The following TMEM156 variants were observed in gnomAD, a reference collection of about 807,000 sequenced individuals.
TMEM156 encodes transmembrane protein 156.
TMEM156 carries 28 observed loss-of-function variants against 30.5 expected under a neutral mutation model. That is an observed-to-expected ratio of 0.92 (90% confidence interval 0.68 to 1.26). TMEM156 has a LOEUF of 1.26. TMEM156 is among the 50% of genes most tolerant of loss of function. TMEM156 has a pLI of 0.00. For synonymous variants in TMEM156, 137 were observed against 119.9 expected (o/e 1.14, Z -0.93); for missense variants, 351 against 340.6 (o/e 1.03, Z -0.24).
chr4:39,017,350 G>A (rs1156404165), intron 1 of TMEM156, among the ~76,000 whole-genome samples: 1 of 149,806 alleles, frequency 6.7e-6, no homozygotes, highest in African/African-American at 2.4e-5. Context: ...AATTTTTTTT[G>A]TATTTTTTTT....
At chr4:39,000,009 T>A (rs973470255) in intron 1 of TMEM156, among the ~76,000 whole-genome samples, 1 of 152,304 alleles carries the variant, frequency 6.6e-6, no homozygotes, top group African/African-American at 2.4e-5. Context: ...TTTAACAAGA[T>A]GACAGCCTAA....
Position 38,998,737 on chromosome 4 carries a change from G to T in TMEM156, c.261C>A (p.Cys87Ter). ...PSNFRNFTRTCQDITGEFKMC... is the reference protein window; with the variant it reads ...PSNFRNFTRT ...TTTTAAATTCACCTGTGATGTCTTG[G>T]CAAGTCCTGGTGAAGTTACGAAAAT... Residue 87 changes from cysteine (C) to a stop codon, truncating the protein, a stop_gained, in exon 2 of 7, where the codon TGC becomes TGA. Transcript: ENST00000381938. LOFTEE classifies it high-confidence loss of function. 5 of 1,613,722 alleles carry T rather than the reference G, an allele frequency of 3.1e-6. No homozygotes were observed. Among genetic ancestry groups the T allele is most frequent in the Non-Finnish European group, 3.4e-6 (4 of 1,179,890 alleles).
intron 1 of TMEM156, among the ~76,000 whole-genome samples, chr4:39,019,433 G>C (rs1714716291): frequency 6.6e-6 from 1 of 151,872 alleles, no homozygotes; most frequent in African/African-American, 2.4e-5. Context: ...ACTTTTAATA[G>C]TCTTTGTTCC....
At position 38,988,967 on chromosome 4, in the gene TMEM156, A is replaced by G. The variant is rs757111297; in HGVS notation, c.623T>C (p.Ile208Thr). The change falls in exon 4 of 7, where the codon ATC (isoleucine) becomes ACC (threonine). Residue 208 changes from isoleucine to threonine, a missense_variant. Transcript: ENST00000381938. ...CCAAGTGATCTTCATGGAACAAGTG[A>G]TATCTGTAAAGAAAACAAATACTGT... ...SLHLEMDIKN[I>T]TCSMKITWYI... The G allele has an allele frequency of 1.9e-6, 3 of 1,609,890 alleles. No homozygotes were observed. Among genetic ancestry groups the G allele is most frequent in the South Asian group, 1.1e-5 (1 of 90,780 alleles).
intron 1 of TMEM156, among the ~76,000 whole-genome samples, chr4:39,013,275 T>A (rs1216541007): frequency 1.2e-4 from 16 of 137,192 alleles, no homozygotes; most frequent in African/African-American, 1.7e-4. Flanking sequence ...CACTCGGCAC[T>A]CCAGCCTAGG....
intron 5 of TMEM156, among the ~76,000 whole-genome samples, chr4:38,974,407 T>C (rs936713999): frequency 1.1e-4 from 17 of 151,972 alleles, no homozygotes; most frequent in African/African-American, 4.1e-4. Flanking sequence ...TGGATTTGAA[T>C]ATTATTAATA....
At chr4:38,988,770 A>G in intron 4 of TMEM156, 81 bp downstream of exon 4, 1 of 1,569,178 alleles carries the variant, frequency 6.4e-7, no homozygotes, top group Non-Finnish European at 8.7e-7. Context: ...GGTGCACAAG[A>G]AATGCTAAAT....
rs1712218844 is a variant in TMEM156, at chr4:38,988,948, GATC to G, written c.639_641del (p.Lys213_Ile214delinsAsn). ...CTAATAGAACTAAAATATACCAAGT[GATC>G]TTCATGGAACAAGTGATATCTGTAA... is the stretch of plus-strand genomic sequence containing the variant. On this transcript the variant is annotated inframe_deletion, in exon 4 of 7. Transcript: ENST00000381938. The G allele has an allele frequency of 6.2e-7, 1 of 1,611,394 alleles. No individual in the cohort carries two copies. Among genetic ancestry groups the G allele is most frequent in the Admixed American group, 1.7e-5 (1 of 59,948 alleles).
intron 1 of TMEM156, among the ~76,000 whole-genome samples, chr4:38,999,433 C>G (rs1277663088): frequency 6.6e-6 from 1 of 151,592 alleles, no homozygotes; most frequent in Non-Finnish European, 1.5e-5. Context: ...ATTCTCTATT[C>G]TGGGGAATTT....
chr4:38,988,635 G>C (rs912942843), intron 4 of TMEM156, among the ~76,000 whole-genome samples: 1 of 121,974 alleles, frequency 8.2e-6, no homozygotes, highest in Non-Finnish European at 1.9e-5. Flanking sequence ...TATTCACCCA[G>C]TCTTTCTTCT....
intron 5 of TMEM156, among the ~76,000 whole-genome samples, chr4:38,972,242 ATTTTTTTTTTTTT>A (rs144479056): frequency 5.3e-5 from 4 of 75,858 alleles, no homozygotes; most frequent in East Asian, 8.7e-4. Flanking sequence ...TTCTCTGGGA[ATTTTTTTTTTTTT>A]TTTTTTTTTT....
rs769380937 is a variant in TMEM156 at position 39,032,249 on chromosome 4, G to A, written c.65C>T (p.Pro22Leu). ...AIVITFILIL[P>L]EYFKTPKERT... The stretch of plus-strand genomic sequence containing the variant: ...ACCTTTCGGTGTCTTGAAATATTCC[G>A]GCAAAATTAAAATGAATGTGATCAC... The change falls in exon 1 of 7, where the codon CCG (proline) becomes CTG (leucine). Residue 22 changes from proline to leucine, a missense_variant. Pro to Leu is a moderately conservative substitution (Grantham distance 98). Transcript: ENST00000381938. The A allele has an allele frequency of 5.0e-6, 8 of 1,607,670 alleles. No homozygotes were observed. Among genetic ancestry groups the A allele is most frequent in the East Asian group, 2.2e-5 (1 of 44,748 alleles).
chr4:38,979,499 C>CA (rs1723073498), intron 5 of TMEM156, among the ~76,000 whole-genome samples: 2 of 152,300 alleles, frequency 1.3e-5, no homozygotes, highest in South Asian at 2.1e-4. Flanking sequence ...CTATGAAGCA[C>CA]AAAAAATATT....
intron 6 of TMEM156, 144 bp downstream of exon 6, chr4:38,970,888 T>G: frequency 1.9e-6 from 1 of 538,676 alleles, no homozygotes; most frequent in Non-Finnish European, 3.3e-6. Context: ...TTATTTCATG[T>G]CATCTAATTC....
chr4:39,010,007 G>A (rs987759907), intron 1 of TMEM156, among the ~76,000 whole-genome samples: 5 of 151,986 alleles, frequency 3.3e-5, no homozygotes, highest in South Asian at 4.1e-4. Context: ...TAAAAATTCC[G>A]TGAAAAGACT....
At chr4:39,023,611 G>C (rs1715009255) in intron 1 of TMEM156, among the ~76,000 whole-genome samples, 1 of 152,200 alleles carries the variant, frequency 6.6e-6, no homozygotes, top group Non-Finnish European at 1.5e-5. Context: ...GGGAGGCCAA[G>C]GTGGGCGAAT....
rs890501769 is a variant in TMEM156, at chr4:38,967,938, T to C, written c.*39-297A>G. ...GCTAAATGGAACAGTAGTTCTATTT[T>C]TAGTTTTTTGAGAAATCTCCATACT... On this transcript the variant is annotated intron_variant, in intron 6 of 6. Transcript: ENST00000381938. 3.9e-5 allele frequency among the ~76,000 whole-genome samples: 6 copies of C among 152,226 alleles called. No individual in the cohort carries two copies. The East Asian group carries it at 1.2e-3, about 29-fold the overall frequency.
At chr4:38,969,078 C>T (rs1722475710) in intron 6 of TMEM156, among the ~76,000 whole-genome samples, 1 of 152,204 alleles carries the variant, frequency 6.6e-6, no homozygotes, top group Admixed American at 6.5e-5. Context: ...AGTCAGAATA[C>T]TTAGGATATC....
chr4:38,976,368 A>G (rs1722853571), intron 5 of TMEM156, among the ~76,000 whole-genome samples: 1 of 151,708 alleles, frequency 6.6e-6, no homozygotes, highest in Admixed American at 6.6e-5. Context: ...GTGACTGCCA[A>G]GTGGCCTCTG....
Sources: allele counts gnomAD v4.1 joint callset (sites outside exome capture counted in the v4.1 genomes callset), GRCh38; gene constraint gnomAD v4.1.1; transcripts MANE v1.5; gene names NCBI Gene and HGNC (gene_info 2026-07-23, HGNC 2026-07-21).